The following ASB15 variants were observed in gnomAD, a reference collection of about 807,000 sequenced individuals.
The protein encoded by ASB15 is ankyrin repeat and SOCS box protein 15.
ASB15 carries 54 observed loss-of-function variants against 58.0 expected under a neutral mutation model. The ratio of observed to expected loss-of-function variants is 0.93; its 90% CI spans 0.75 to 1.17. ASB15 has a LOEUF of 1.17. Ranked by LOEUF, ASB15 falls within the 50% of genes most tolerant of loss-of-function variation. The pLI is 0.00. For synonymous variants in ASB15, 249 were observed against 262.4 expected, an observed-to-expected ratio of 0.95 and a Z score of 0.50; for missense variants, 680 against 707.4, an observed-to-expected ratio of 0.96 and a Z score of 0.44.
intron 8 of ASB15, among the ~76,000 whole-genome samples, chr7:123,626,880 G>A (rs1023910306): frequency 1.3e-5 from 2 of 152,070 alleles, no homozygotes; most frequent in African/African-American, 4.8e-5. Context: ...TGGGACTACA[G>A]GTGCACGCCA....
Position 123,629,065 on chromosome 7 carries a change from C to G in ASB15, c.1071C>G (p.Gly357=). 1 of 1,613,406 alleles carries G rather than the reference C, an allele frequency of 6.2e-7. No homozygotes were observed. Among genetic ancestry groups the G allele is most frequent in the African/African-American group, 1.3e-5 (1 of 75,018 alleles). ...AGAGGAAGACTGCGCTGTATTTTGG[C>G]GTTTCTAATAATGACGTTCATTGCA... ...DDERKTALYF[G]VSNNDVHCTE... Residue 357 remains glycine (G), a synonymous_variant, in exon 10 of 12, where the codon GGC becomes GGG. Transcript: ENST00000451215.
intron 8 of ASB15, 44 bp from the exon 9 acceptor site, chr7:123,627,066 A>G (rs1412279931): frequency 1.1e-5 from 17 of 1,569,984 alleles, no homozygotes; most frequent in Non-Finnish European, 1.5e-5. Flanking sequence ...GATTGTTTAA[A>G]CAATACCATC....
At chr7:123,596,840 G>A (rs1433672571), upstream of ASB15, among the ~76,000 whole-genome samples, 1 of 152,138 alleles carries the variant, frequency 6.6e-6, no homozygotes, top group Non-Finnish European at 1.5e-5. Flanking sequence ...TATTTTCAGA[G>A]AGAATAGAGT....
intron 1 of ASB15, among the ~76,000 whole-genome samples, chr7:123,569,017 T>A (rs1405080746): frequency 6.6e-6 from 1 of 152,154 alleles, no homozygotes; most frequent in Non-Finnish European, 1.5e-5. Flanking sequence ...GAGAAGGATA[T>A]GAATGTTTTT....
rs778327467 is a variant in ASB15 at position 123,636,823 on chromosome 7, T to C, written c.1609T>C (p.Leu537=). Residue 537 remains leucine, a synonymous_variant, in exon 12 of 12, where the codon TTG becomes CTG. Coordinates refer to ENST00000451215, the MANE Select transcript of ASB15 (RefSeq NM_001290258.2). ...IRQILENPCS[L]KHLCRLKIRR... is the part of the protein sequence containing the mutation. Reference sequence around the variant, plus strand: ...ATTTCTTTTAGAGAATCCTTGTTCATTGAAGCATTTGTGTCGGTTAAAAAT... The same window carrying C: ...ATTTCTTTTAGAGAATCCTTGTTCACTGAAGCATTTGTGTCGGTTAAAAAT... The C allele has an allele frequency of 1.1e-4, 182 of 1,601,426 alleles. No individual in the cohort carries two copies. The highest frequency in any genetic ancestry group is 1.5e-4 in the Non-Finnish European group (177 of 1,176,684).
chr7:123,601,249 T>C (rs1388985291), upstream of ASB15, among the ~76,000 whole-genome samples: 1 of 152,222 alleles, frequency 6.6e-6, no homozygotes, highest in Non-Finnish European at 1.5e-5. Flanking sequence ...TTTTTTTGCT[T>C]GTTTTATTAA....
chr7:123,624,820 T>C lies in ASB15; in HGVS notation c.697+6T>C, dbSNP rs572497963. The C allele has an allele frequency of 1.1e-5, 18 of 1,612,354 alleles. No homozygotes were observed. The highest frequency in any genetic ancestry group is 1.2e-5 in the Non-Finnish European group (14 of 1,178,982). ...AGAACATCTAATCCACAAAGGTATG[T>C]GAAAAGGAGTTACACTTCCTGACTT... On this transcript the variant is annotated splice_donor_region_variant and intron_variant, in intron 8 of 11. Transcript: ENST00000451215.
chr7:123,601,680 T>G (rs189273921), upstream of ASB15, among the ~76,000 whole-genome samples: 1 of 152,302 alleles, frequency 6.6e-6, no homozygotes, highest in East Asian at 1.9e-4. Context: ...ATAATCTTAT[T>G]ATACCTCTGT....
intron 7 of ASB15, among the ~76,000 whole-genome samples, chr7:123,620,542 ATATATATATATAT>A (rs1801221584): frequency 5.1e-5 from 1 of 19,554 alleles, no homozygotes; most frequent in African/African-American, 2.1e-4. Context: ...ATATATATAT[ATATATATATATAT>A]TTTTTTTTTT....
rs184302217 is a variant in ASB15 at position 123,584,580 on chromosome 7, A to G, written c.-443+17492A>G. ...TATAATATTTCTTATAAGGTTTTCA[A>G]CCACTCAACATGACAGCATTTTGTA... On this transcript the variant is annotated intron_variant, in intron 1 of 13. Transcript: ENST00000451558. Among the ~76,000 whole-genome samples the G allele has an allele frequency of 2.5e-3, 385 of 152,082 alleles. 2 individuals carry two copies. Among genetic ancestry groups the G allele is most frequent in the Non-Finnish European group, 2.9e-3 (195 of 67,910 alleles).
intron 7 of ASB15, among the ~76,000 whole-genome samples, chr7:123,619,243 A>T (rs1443494839): frequency 1.3e-5 from 2 of 150,444 alleles, no homozygotes; most frequent in African/African-American, 4.9e-5. Context: ...GGTAGTGTGG[A>T]TATAAAGATG....
intron 7 of ASB15, among the ~76,000 whole-genome samples, chr7:123,623,827 G>A (rs1282165787): frequency 3.4e-5 from 5 of 145,094 alleles, no homozygotes; most frequent in South Asian, 2.2e-4. Context: ...TTGTGCCATC[G>A]CACTCCAGCC....
At chr7:123,594,642 C>A (rs1799642160) in intron 1 of ASB15, among the ~76,000 whole-genome samples, 1 of 152,142 alleles carries the variant, frequency 6.6e-6, no homozygotes, top group Non-Finnish European at 1.5e-5. Flanking sequence ...GCTGCCTGAT[C>A]CATCCTCTGG....
intron 11 of ASB15, among the ~76,000 whole-genome samples, chr7:123,633,102 C>T (rs1166837861): frequency 6.6e-6 from 1 of 152,096 alleles, no homozygotes; most frequent in Admixed American, 6.5e-5. Flanking sequence ...AAAGGATCCA[C>T]TAAGAAATGG....
chr7:123,620,344 AT>A (rs1317450453), intron 7 of ASB15: 2 of 151,088 alleles, frequency 1.3e-5, no homozygotes, highest in African/African-American at 4.9e-5. Flanking sequence ...TGAGAAACCA[AT>A]CATAGTCTCT....
Position 123,639,222 on chromosome 7 carries a change from G to A in ASB15, c.*2241G>A, listed in dbSNP as rs1468494290. ...TTACCTTTGAAAGATAAATAAGTAT[G>A]AAAAAAATCGTACAATTAGGGCTAT... On this transcript the variant is annotated 3_prime_UTR_variant, in exon 12 of 12. Coordinates refer to ENST00000451215, the MANE Select transcript of ASB15 (RefSeq NM_001290258.2). 1 of 151,890 alleles carries A rather than the reference G, an allele frequency of 6.6e-6. No individual in the cohort carries two copies. The highest frequency in any genetic ancestry group is 1.5e-5 in the Non-Finnish European group (1 of 67,906). The allele number at this position is 151,890 out of a possible 1,614,324, so 9.4% of individuals were successfully genotyped here.
chr7:123,573,548 C>T (rs1317907054), intron 1 of ASB15, among the ~76,000 whole-genome samples: 2 of 152,116 alleles, frequency 1.3e-5, no homozygotes, highest in African/African-American at 2.4e-5. Context: ...TCTAAACCTC[C>T]TCCCTCTAGC....
At chr7:123,590,459 T>C (rs920273931) in intron 1 of ASB15, among the ~76,000 whole-genome samples, 1 of 152,184 alleles carries the variant, frequency 6.6e-6, no homozygotes, top group Non-Finnish European at 1.5e-5. Flanking sequence ...TTTTAGGTCT[T>C]ACATTTAAGT....
In ASB15 at chr7:123,617,663, A is replaced by T. The variant is rs982951019; in HGVS notation, c.377A>T (p.Asn126Ile). ...TLAVKAGLVE[N>I]VRTLLEKGVW... ...GCAGTCAAAGCTGGTCTGGTGGAAA[A>T]TGTAAGAACTTTATTAGAAAAGGGA... is the stretch of plus-strand genomic sequence containing the variant. Residue 126 changes from asparagine to isoleucine, a missense_variant, in exon 7 of 12, where the codon AAT (asparagine) becomes ATT (isoleucine). Physicochemically the swap from Asn to Ile is moderately radical, Grantham distance 149. Coordinates refer to ENST00000451215, the MANE Select transcript of ASB15 (RefSeq NM_001290258.2). 1.9e-6 allele frequency: 3 copies of T among 1,611,872 alleles called. No homozygotes were observed. Among genetic ancestry groups the T allele is most frequent in the Non-Finnish European group, 2.5e-6 (3 of 1,178,014 alleles).
Sources: allele counts gnomAD v4.1 joint callset (sites outside exome capture counted in the v4.1 genomes callset), GRCh38; gene constraint gnomAD v4.1.1; transcripts MANE v1.5; gene names NCBI Gene and HGNC (gene_info 2026-07-23, HGNC 2026-07-21).